Variants in AMN1 observed in about 807,000 individuals in gnomAD.
AMN1 encodes antagonist of mitotic exit network 1 homolog.
In AMN1, 20 loss-of-function variants were observed where a neutral mutation model predicts 33.0. That is an observed-to-expected ratio of 0.61 (90% CI 0.43 to 0.88). The LOEUF is 0.88. Among genes scored for constraint, AMN1 ranks in the 40% least tolerant of loss-of-function variants. The probability of loss-of-function intolerance (pLI) is 0.00; values close to 1 mark genes in which losing one functional copy is unlikely to be tolerated. For synonymous variants in AMN1, 114 were observed against 111.9 expected, an observed-to-expected ratio of 1.02 and a Z score of -0.12; for missense variants, 246 against 307.4, an observed-to-expected ratio of 0.80 and a Z score of 1.49.
At position 31,701,915 on chromosome 12, in the gene AMN1, C is replaced by A; in HGVS notation, c.264G>T (p.Lys88Asn). The A allele has an allele frequency of 6.2e-7, 1 of 1,608,390 alleles. No individual in the cohort carries two copies. The highest frequency in any genetic ancestry group is 1.3e-5 in the African/African-American group (1 of 74,692). ...LLHLSNCRKL[K>N]KLNLNASKGN... Reference sequence around the variant, plus strand: ...CTTTTGAAGCATTTAAATTTAATTTCTTCAGTTTTCTACAGTTAGACAGGT... The same window carrying A: ...CTTTTGAAGCATTTAAATTTAATTTATTCAGTTTTCTACAGTTAGACAGGT... The change falls in exon 3 of 7, where the codon AAG (lysine) becomes AAT (asparagine). Residue 88 changes from lysine to asparagine, a missense_variant. Lys to Asn is a moderately conservative substitution (Grantham distance 94). Coordinates refer to ENST00000281471, the MANE Select transcript of AMN1 (RefSeq NM_001113402.2).
chr12:31,712,082 C>T (rs1040234744), intron 1 of AMN1, among the ~76,000 whole-genome samples: 1 of 151,262 alleles, frequency 6.6e-6, no homozygotes, highest in Non-Finnish European at 1.5e-5. Flanking sequence ...CCTTCCCTAC[C>T]TCCCTCTCTC....
chr12:31,713,866 T>C (rs183843531), intron 1 of AMN1, among the ~76,000 whole-genome samples: 1 of 139,984 alleles, frequency 7.1e-6, no homozygotes, highest in African/African-American at 2.6e-5. Context: ...AAAAAAAAAA[T>C]TTTCTGATAA....
intron 6 of AMN1, among the ~76,000 whole-genome samples, chr12:31,681,740 T>C (rs1425908172): frequency 6.6e-6 from 1 of 152,162 alleles, no homozygotes; most frequent in African/African-American, 2.4e-5. Context: ...TCTCAGTTAA[T>C]GTTGTGCAGG....
At chr12:31,698,957 C>G (rs1282024261) in intron 3 of AMN1, among the ~76,000 whole-genome samples, 1 of 152,012 alleles carries the variant, frequency 6.6e-6, no homozygotes, top group Non-Finnish European at 1.5e-5. Context: ...CAGCATGTGA[C>G]CCCTAGATAG....
In AMN1 at chr12:31,672,195, A is replaced by T; in HGVS notation, c.*109T>A. 1.3e-6 allele frequency: 1 copy of T among 743,420 alleles called. No homozygotes were observed. The highest frequency in any genetic ancestry group is 2.3e-6 in the Non-Finnish European group (1 of 438,296). 46.1% of individuals were successfully genotyped at this position (743,420 alleles called of 1,614,324 possible). A position where few individuals can be genotyped will look rare whatever the true frequency, so the allele number is the denominator to read the frequency against. The stretch of plus-strand genomic sequence containing the variant: ...GAGAGTTATAACTTAAGACAATAAA[A>T]TAATTAAAAATAGTGTTAACATTAA... On this transcript the variant is annotated 3_prime_UTR_variant, in exon 7 of 7. Coordinates refer to ENST00000281471, the MANE Select transcript of AMN1 (RefSeq NM_001113402.2).
At chr12:31,677,717 T>G (rs114015415) in intron 6 of AMN1, among the ~76,000 whole-genome samples, 1,550 of 152,294 alleles carry the variant, frequency 0.01, 21 homozygotes, top group African/African-American at 0.034. Context: ...GACCTTCTCC[T>G]GCCCTCCTAT....
intron 6 of AMN1, among the ~76,000 whole-genome samples, chr12:31,677,755 G>A (rs1169759308): frequency 6.6e-6 from 1 of 152,156 alleles, no homozygotes; most frequent in African/African-American, 2.4e-5. Context: ...CCGCAAGTGA[G>A]TCACAGAAAC....
intron 2 of AMN1, among the ~76,000 whole-genome samples, chr12:31,703,420 C>T (rs1329888765): frequency 6.6e-6 from 1 of 152,160 alleles, no homozygotes; most frequent in Non-Finnish European, 1.5e-5. Flanking sequence ...CAGTACTTGA[C>T]AGGTAGTTTT....
intron 5 of AMN1, among the ~76,000 whole-genome samples, chr12:31,696,636 T>C (rs571640037): frequency 3.5e-4 from 53 of 152,186 alleles, no homozygotes; most frequent in Non-Finnish European, 4.7e-4. Flanking sequence ...AAATTTAAGA[T>C]CTTTTTTAGG....
At chr12:31,699,974 T>C (rs1221452120) in intron 3 of AMN1, among the ~76,000 whole-genome samples, 2 of 152,098 alleles carry the variant, frequency 1.3e-5, no homozygotes, top group African/African-American at 4.8e-5. Context: ...GAAATGTGGT[T>C]TTATTGGAGA....
intron 6 of AMN1, among the ~76,000 whole-genome samples, chr12:31,680,436 G>A (rs1286282063): frequency 6.6e-6 from 1 of 152,128 alleles, no homozygotes; most frequent in African/African-American, 2.4e-5. Flanking sequence ...CCTGACCTCA[G>A]GTGATCCGCC....
intron 1 of AMN1, among the ~76,000 whole-genome samples, chr12:31,721,692 ACT>A: frequency 6.6e-6 from 1 of 152,078 alleles, no homozygotes; most frequent in South Asian, 2.1e-4. Context: ...ATTTTTACTG[ACT>A]CTTGGGCTGT....
upstream of AMN1, chr12:31,729,144 T>A (rs1940207466): frequency 3.0e-6 from 3 of 1,003,466 alleles, no homozygotes; most frequent in Non-Finnish European, 4.3e-6. Context: ...GACCGGGGCG[T>A]GGCCACGCTT....
At chr12:31,708,235 C>A (rs775843256) in intron 2 of AMN1, among the ~76,000 whole-genome samples, 11 of 152,096 alleles carry the variant, frequency 7.2e-5, no homozygotes, top group Non-Finnish European at 1.3e-4. Context: ...CTTTTCCTAG[C>A]AAGGAATATT....
At chr12:31,719,918 T>C (rs1939818211) in intron 1 of AMN1, among the ~76,000 whole-genome samples, 2 of 152,196 alleles carry the variant, frequency 1.3e-5, no homozygotes, top group South Asian at 4.1e-4. Flanking sequence ...GTTTGTGCAA[T>C]TTATTCAAGT....
At chr12:31,692,997 A>G (rs1037074889) in intron 5 of AMN1, among the ~76,000 whole-genome samples, 3 of 152,242 alleles carry the variant, frequency 2.0e-5, no homozygotes, top group African/African-American at 7.2e-5. Flanking sequence ...CAGAGATTTC[A>G]GAAACGATCA....
At chr12:31,720,481 A>G (rs111690646) in intron 1 of AMN1, among the ~76,000 whole-genome samples, 3,204 of 152,090 alleles carry the variant, frequency 0.021, 47 homozygotes, top group Middle Eastern at 0.048. Flanking sequence ...AAGAGGTTTC[A>G]GTGAGCTGAG....
At chr12:31,672,956 A>G (rs1951313725) in intron 6 of AMN1, 1 of 152,452 alleles carries the variant, frequency 6.6e-6, no homozygotes, top group Non-Finnish European at 1.5e-5. Context: ...TAAATAGATA[A>G]CCATTATATA....
intron 2 of AMN1, among the ~76,000 whole-genome samples, chr12:31,705,421 C>T (rs903318487): frequency 6.6e-6 from 1 of 151,982 alleles, no homozygotes; most frequent in Non-Finnish European, 1.5e-5. Context: ...TCACCTGAGC[C>T]CAGGAGGTTG....
Sources: gnomAD v4.1 joint callset for allele counts (sites outside exome capture counted in the v4.1 genomes callset) on GRCh38, gnomAD v4.1.1 for gene constraint, MANE v1.5 for transcripts, NCBI Gene and HGNC (gene_info 2026-07-23, HGNC 2026-07-21) for gene names.